TERB1: variants seen among roughly 807,000 people sequenced by gnomAD.
TERB1 encodes the protein telomere repeats-binding bouquet formation protein 1.
A neutral mutation model predicts 92.3 loss-of-function variants in TERB1; 63 were observed. That is an observed-to-expected ratio of 0.68 (90% CI 0.56 to 0.84). TERB1 has a LOEUF of 0.84. TERB1 is among the 40% of genes least tolerant of loss of function. The pLI, the probability that TERB1 is intolerant of heterozygous loss-of-function variation, is 0.00. For synonymous variants in TERB1, 252 were observed against 283.9 expected (o/e 0.89, Z 1.13); for missense variants, 709 against 843.7 (o/e 0.84, Z 1.98).
intron 3 of TERB1, among the ~76,000 whole-genome samples, chr16:66,792,464 C>A (rs949059921): frequency 3.3e-5 from 5 of 152,148 alleles, no homozygotes; most frequent in Admixed American, 6.5e-5. Context: ...AAAAGGCACC[C>A]AAATTGGCAA....
chr16:66,765,194 A>T (rs568083943), intron 16 of TERB1, among the ~76,000 whole-genome samples: 1 of 152,192 alleles, frequency 6.6e-6, no homozygotes, highest in Non-Finnish European at 1.5e-5. Flanking sequence ...GAAAGGAACA[A>T]GGAAATAACC....
chr16:66,774,203 T>TG (rs2018503464), intron 12 of TERB1, among the ~76,000 whole-genome samples: 1 of 141,354 alleles, frequency 7.1e-6, no homozygotes, highest in African/African-American at 2.7e-5. Flanking sequence ...TTTTTTTTTT[T>TG]GAGACAGAGT....
chr16:66,759,797 CAAAAAAAAAAAAA>C (rs762588462), intron 16 of TERB1, among the ~76,000 whole-genome samples: 1 of 30,802 alleles, frequency 3.2e-5, no homozygotes, highest in African/African-American at 1.2e-4. Flanking sequence ...GACTCTGTCT[CAAAAAAAAAAAAA>C]AAAAAAAAAG....
intron 5 of TERB1, among the ~76,000 whole-genome samples, chr16:66,789,873 C>T (rs1187330290): frequency 6.6e-6 from 1 of 151,854 alleles, no homozygotes; most frequent in African/African-American, 2.4e-5. Context: ...CCATGCCTGG[C>T]TGATTATTTG....
chr16:66,796,912 G>T, intron 2 of TERB1, 82 bp from the exon 3 acceptor site: 2 of 678,942 alleles, frequency 2.9e-6, no homozygotes, highest in Non-Finnish European at 4.9e-6. Context: ...GGGAAAAATT[G>T]TTTTCCTGAA....
intron 16 of TERB1, among the ~76,000 whole-genome samples, chr16:66,760,899 G>A (rs2018230930): frequency 7.0e-6 from 1 of 142,936 alleles, no homozygotes; most frequent in Admixed American, 7.2e-5. Context: ...TGATCACAAG[G>A]TCAGGAGTTC....
At chr16:66,779,894 C>T (rs1024382696) in intron 9 of TERB1, among the ~76,000 whole-genome samples, 2 of 152,172 alleles carry the variant, frequency 1.3e-5, no homozygotes, top group African/African-American at 4.8e-5. Flanking sequence ...CGTAACTATT[C>T]CAAGCAAAGA....
chr16:66,778,974 C>T lies in TERB1; in HGVS notation c.742G>A (p.Val248Ile). Residue 248 changes from valine to isoleucine, a missense_variant, in exon 10 of 19, where the codon GTA becomes ATA. Val to Ile is a conservative substitution (Grantham distance 29). Transcript: ENST00000433154. ...AGCTGCATGAGAACTTGAGACAATACATCCAGTCCGCCCACAGATACGAAG... is the reference window on the plus strand; with the variant it reads ...AGCTGCATGAGAACTTGAGACAATATATCCAGTCCGCCCACAGATACGAAG... ...KYFVSVGGLD[V>I]LSQVLMQLES... 6.5e-7 allele frequency: 1 copy of T among 1,530,548 alleles called. No individual in the cohort carries two copies. The highest frequency in any genetic ancestry group is 8.8e-7 in the Non-Finnish European group (1 of 1,130,278). The allele number at this position is 1,530,548 out of a possible 1,614,324, so 94.8% of individuals were successfully genotyped here. A position where few individuals can be genotyped will look rare whatever the true frequency, so the allele number is the denominator to read the frequency against.
At chr16:66,785,733 A>G in intron 9 of TERB1, 53 bp downstream of exon 9, 3 of 1,442,776 alleles carry the variant, frequency 2.1e-6, no homozygotes, top group Non-Finnish European at 1.8e-6. Flanking sequence ...CGTTTTTATT[A>G]TGCTTTGAAA....
intron 15 of TERB1, 22 bp from the exon 16 acceptor site, chr16:66,767,532 A>ACCAC: frequency 9.0e-7 from 1 of 1,106,062 alleles, no homozygotes; most frequent in Non-Finnish European, 1.3e-6. Context: ...TGCAAAATGA[A>ACCAC]GGATTTTTGG....
At chr16:66,781,562 C>T (rs2018637531) in intron 9 of TERB1, among the ~76,000 whole-genome samples, 1 of 148,818 alleles carries the variant, frequency 6.7e-6, no homozygotes, top group African/African-American at 2.5e-5. Context: ...CTCTGTAGCC[C>T]AGGCTGGAGT....
At chr16:66,782,401 T>C (rs924780586) in intron 9 of TERB1, among the ~76,000 whole-genome samples, 1 of 151,988 alleles carries the variant, frequency 6.6e-6, no homozygotes, top group Admixed American at 6.6e-5. Context: ...AATACAAAAA[T>C]TAGCCAGGCT....
chr16:66,766,895 C>G (rs2018354878), intron 16 of TERB1, among the ~76,000 whole-genome samples: 1 of 152,156 alleles, frequency 6.6e-6, no homozygotes, highest in African/African-American at 2.4e-5. Context: ...AATCCTCCAG[C>G]CTTGGCCTTC....
intron 12 of TERB1, among the ~76,000 whole-genome samples, chr16:66,773,627 A>T (rs2018492003): frequency 6.6e-6 from 1 of 152,218 alleles, no homozygotes; most frequent in South Asian, 2.1e-4. Context: ...TCTCAGCTCA[A>T]GAATCACTTC....
Position 66,801,556 on chromosome 16 carries a change from T to A in TERB1, c.-198A>T, listed in dbSNP as rs1405675132. On this transcript the variant is annotated 5_prime_UTR_variant, in exon 1 of 19. In the 5' UTR this introduces an upstream ATG that the reference lacks. Transcript: ENST00000433154. Reference sequence around the variant, plus strand: ...CTCAAGCGGGAGCTTCCGCCCTTTCTTCATCACCGCTCACCTGCCACGACG... The same window carrying A: ...CTCAAGCGGGAGCTTCCGCCCTTTCATCATCACCGCTCACCTGCCACGACG... The A allele has an allele frequency of 6.6e-6, 1 of 152,170 alleles. No homozygotes were observed. The highest frequency in any genetic ancestry group is 1.5e-5 in the Non-Finnish European group (1 of 68,052). The allele number at this position is 152,170 out of a possible 1,614,324, so 9.4% of individuals were successfully genotyped here.
intron 6 of TERB1, among the ~76,000 whole-genome samples, chr16:66,787,584 G>T (rs1280240476): frequency 6.6e-6 from 1 of 152,112 alleles, no homozygotes; most frequent in Non-Finnish European, 1.5e-5. Context: ...AAAAACCATT[G>T]CTGGCTTACA....
chr16:66,764,509 T>C (rs2018305629), intron 16 of TERB1, among the ~76,000 whole-genome samples: 1 of 152,174 alleles, frequency 6.6e-6, no homozygotes, highest in African/African-American at 2.4e-5. Flanking sequence ...AGAGAAGCAC[T>C]GAGGGTTCTT....
chr16:66,770,060 T>A lies in TERB1; in HGVS notation c.1522A>T (p.Ser508Cys). The A allele has an allele frequency of 3.9e-6, 6 of 1,551,862 alleles. No homozygotes were observed. The highest frequency in any genetic ancestry group is 5.2e-6 in the Non-Finnish European group (6 of 1,147,020). The part of the protein sequence containing the change: ...ANPVHACYRE[S>C]EQNKTLYKAK... ...TTATATAAAGTCTTATTTTGCTCAC[T>A]CTCCCTGTAACAAGCATGGACTGGA... is the stretch of plus-strand genomic sequence containing the variant. Residue 508 changes from serine (S) to cysteine (C), a missense_variant, in exon 14 of 19, where the codon AGT becomes TGT. Coordinates refer to ENST00000433154, the MANE Select transcript of TERB1 (RefSeq NM_001136505.2).
intron 9 of TERB1, among the ~76,000 whole-genome samples, chr16:66,784,667 T>C (rs1237335751): frequency 6.6e-6 from 1 of 151,894 alleles, no homozygotes; most frequent in East Asian, 1.9e-4. Flanking sequence ...ACCTTTCTTC[T>C]TTTCTTATAC....
Sources: allele counts gnomAD v4.1 joint callset (sites outside exome capture counted in the v4.1 genomes callset), GRCh38; gene constraint gnomAD v4.1.1; transcripts MANE v1.5; gene names NCBI Gene and HGNC (gene_info 2026-07-23, HGNC 2026-07-21).